Variants in CAMK4 observed in about 807,000 individuals in gnomAD.
CAMK4 encodes the protein calcium/calmodulin-dependent protein kinase type IV.
A neutral mutation model predicts 44.9 loss-of-function variants in CAMK4; 22 were observed. The ratio of observed to expected loss-of-function variants is 0.49; its 90% confidence interval spans 0.35 to 0.70. The LOEUF (loss-of-function observed/expected upper bound fraction) is 0.70, where lower values mean the gene tolerates loss of function less well. Among genes scored for constraint, CAMK4 ranks in the 30% least tolerant of loss-of-function variants. The pLI, the probability that CAMK4 is intolerant of heterozygous loss-of-function variation, is 0.01. For missense variants in CAMK4, 498 were observed against 586.8 expected, an observed-to-expected ratio of 0.85 and a Z score of 1.56; for synonymous variants, 218 against 215.4, an observed-to-expected ratio of 1.01 and a Z score of -0.11.
upstream of CAMK4, chr5:111,223,810 C>G (rs554012880): frequency 1.3e-5 from 2 of 152,774 alleles, no homozygotes; most frequent in Non-Finnish European, 2.9e-5. The surrounding 1 kb of genome is among the most constrained non-coding windows in gnomAD (Gnocchi z 4.3). Context: ...ACTCCCTCCC[C>G]GGCCACCAAT....
chr5:111,310,891 G>C (rs1009008576), intron 1 of CAMK4, among the ~76,000 whole-genome samples: 1 of 152,058 alleles, frequency 6.6e-6, no homozygotes, highest in Non-Finnish European at 1.5e-5. Context: ...ATGATGAGTC[G>C]CTTTAGCTGT....
intron 2 of CAMK4, among the ~76,000 whole-genome samples, chr5:111,372,731 T>C (rs1342821086): frequency 6.6e-6 from 1 of 152,092 alleles, no homozygotes; most frequent in Non-Finnish European, 1.5e-5. Flanking sequence ...TCATGCAGAG[T>C]AGCTATGGTT....
rs1336211579 is a variant in CAMK4, at chr5:111,493,005, A to T, written c.*8539A>T. On this transcript the variant is annotated 3_prime_UTR_variant, in exon 11 of 11. Coordinates refer to ENST00000282356, the MANE Select transcript of CAMK4 (RefSeq NM_001744.6). This position sits in a 1 kb window ranked among gnomAD's most constrained non-coding sequence, Gnocchi z 4.1. The stretch of plus-strand genomic sequence containing the variant: ...GAAGTAGGGGGCATGTCTGGCTGAG[A>T]ACCGGCCTGATCATAGAGTGGAAAA... 6.6e-6 allele frequency: 1 copy of T among 152,254 alleles called. No individual in the cohort carries two copies. Among genetic ancestry groups the T allele is most frequent in the Non-Finnish European group, 1.5e-5 (1 of 68,108 alleles). 9.4% of individuals were successfully genotyped at this position (152,254 alleles called of 1,614,324 possible).
intron 1 of CAMK4, among the ~76,000 whole-genome samples, chr5:111,310,994 A>C (rs1748179497): frequency 6.6e-6 from 1 of 152,112 alleles, no homozygotes; most frequent in Admixed American, 6.5e-5. Flanking sequence ...AATACAGTTG[A>C]ATTTAGATAA....
chr5:111,273,449 C>T (rs1750599692), intron 1 of CAMK4, among the ~76,000 whole-genome samples: 1 of 151,212 alleles, frequency 6.6e-6, no homozygotes, highest in Admixed American at 6.6e-5. Flanking sequence ...AGTAACAATA[C>T]CCAGTCTTTT....
Position 111,486,500 on chromosome 5 carries a change from A to AAAACACACACACACACAC in CAMK4, c.*2035_*2036insAACACACACACACACACA, listed in dbSNP as rs1215025263. 9.7e-6 allele frequency: 1 copy of AAAACACACACACACACAC among 103,578 alleles called. No individual in the cohort carries two copies. Among genetic ancestry groups the AAAACACACACACACACAC allele is most frequent in the African/African-American group, 3.4e-5 (1 of 29,420 alleles). The allele number at this position is 103,578 out of a possible 1,614,324, so 6.4% of individuals were successfully genotyped here. On this transcript the variant is annotated 3_prime_UTR_variant, in exon 11 of 11. Coordinates refer to ENST00000282356, the MANE Select transcript of CAMK4 (RefSeq NM_001744.6). ...GTTGTACTTTTTACCATGAGACTGA[A>AAAACACACACACACACAC]ACACACACACACACACACACACACA...
intron 5 of CAMK4, among the ~76,000 whole-genome samples, chr5:111,406,432 C>T (rs888753487): frequency 6.6e-6 from 1 of 152,036 alleles, no homozygotes; most frequent in African/African-American, 2.4e-5. Flanking sequence ...CCATGTTGGC[C>T]AGGCTGGTCT....
At chr5:111,434,046 C>T (rs1391465606) in intron 5 of CAMK4, among the ~76,000 whole-genome samples, 3 of 152,234 alleles carry the variant, frequency 2.0e-5, no homozygotes, top group East Asian at 3.9e-4. Flanking sequence ...CCTGTAATTC[C>T]AGCACTTTGG....
intron 1 of CAMK4, among the ~76,000 whole-genome samples, chr5:111,277,918 A>T (rs1250702214): frequency 6.6e-6 from 1 of 152,202 alleles, no homozygotes; most frequent in Non-Finnish European, 1.5e-5. Context: ...CAGTACTGTC[A>T]TAAGTAATGT....
chr5:111,423,811 A>G (rs78302782), intron 5 of CAMK4, among the ~76,000 whole-genome samples: 13,495 of 152,228 alleles, frequency 0.089, 797 homozygotes, highest in Non-Finnish European at 0.12. Context: ...AATCTCGGTA[A>G]TAGTCCCAGA....
chr5:111,384,995 C>T (rs1175366449), intron 4 of CAMK4, among the ~76,000 whole-genome samples: 1 of 152,106 alleles, frequency 6.6e-6, no homozygotes, highest in Non-Finnish European at 1.5e-5. Flanking sequence ...TTGTCTCCAC[C>T]CTCAAGGAGC....
intron 1 of CAMK4, among the ~76,000 whole-genome samples, chr5:111,233,593 G>A (rs1748575022): frequency 6.6e-6 from 1 of 152,098 alleles, no homozygotes; most frequent in African/African-American, 2.4e-5. Context: ...AACTAAATAG[G>A]TTTCAAATTG....
chr5:111,464,829 A>G (rs1754766246), intron 7 of CAMK4, among the ~76,000 whole-genome samples: 1 of 152,200 alleles, frequency 6.6e-6, no homozygotes, highest in African/African-American at 2.4e-5. Flanking sequence ...GAATACATAG[A>G]CAGTTTTCTG....
intron 8 of CAMK4, among the ~76,000 whole-genome samples, chr5:111,475,466 GA>G (rs1268655793): frequency 2.6e-5 from 4 of 152,096 alleles, no homozygotes; most frequent in Non-Finnish European, 4.4e-5. Context: ...AAAATGAAGG[GA>G]AAAATATAAT....
chr5:111,340,171 G>A (rs563207543), intron 1 of CAMK4, among the ~76,000 whole-genome samples: 5 of 150,946 alleles, frequency 3.3e-5, no homozygotes, highest in Admixed American at 1.3e-4. Context: ...TGAAAATAGC[G>A]ACAGTTTAAC....
At chr5:111,291,063 T>C (rs1462174796) in intron 1 of CAMK4, among the ~76,000 whole-genome samples, 1 of 152,212 alleles carries the variant, frequency 6.6e-6, no homozygotes, top group East Asian at 1.9e-4. Context: ...CCCAAAACTT[T>C]TAATGAATCC....
At chr5:111,476,239 T>TTGTGTG (rs5870455) in intron 8 of CAMK4, among the ~76,000 whole-genome samples, 6 of 132,782 alleles carry the variant, frequency 4.5e-5, no homozygotes, top group African/African-American at 1.7e-4. Context: ...CTTTGCTTCT[T>TTGTGTG]TGTGTGTGTG....
intron 1 of CAMK4, among the ~76,000 whole-genome samples, chr5:111,338,825 C>A (rs1749518995): frequency 6.6e-6 from 1 of 151,200 alleles, no homozygotes; most frequent in African/African-American, 2.4e-5. Flanking sequence ...ATATTGTGTC[C>A]ATTTTTAATA....
chr5:111,265,544 T>G (rs114186645), intron 1 of CAMK4, among the ~76,000 whole-genome samples: 2,215 of 152,332 alleles, frequency 0.015, 28 homozygotes, highest in Non-Finnish European at 0.022. Context: ...ATTTTACATA[T>G]ATTATTTTTC....
Sources: gnomAD v4.1 joint callset for allele counts (sites outside exome capture counted in the v4.1 genomes callset) on GRCh38, gnomAD v4.1.1 for gene constraint, Gnocchi (gnomAD v3.1) non-coding constraint, MANE v1.5 for transcripts, NCBI Gene and HGNC (gene_info 2026-07-23, HGNC 2026-07-21) for gene names.